The following FCMR variants were observed in gnomAD, a reference collection of about 807,000 sequenced individuals.
The protein encoded by FCMR is Fc mu receptor.
In FCMR, 34 loss-of-function variants were observed where a neutral mutation model predicts 41.6. That is an observed-to-expected ratio of 0.82 (90% CI 0.62 to 1.09). FCMR has a LOEUF of 1.09. Ranked by LOEUF, FCMR falls within the 50% of genes least tolerant of loss-of-function variation. The pLI is 0.00. For missense variants in FCMR, 496 were observed against 512.5 expected (o/e 0.97, Z 0.31); for synonymous variants, 209 against 211.8 (o/e 0.99, Z 0.12).
Position 206,904,793 on chromosome 1 carries a change from G to A in FCMR, c.*226C>T. On this transcript the variant is annotated 3_prime_UTR_variant, in exon 8 of 8. Coordinates refer to ENST00000367091, the MANE Select transcript of FCMR (RefSeq NM_005449.5). ...TGGCATTGGGACAATTGCTCTACAT[G>A]CCTACAGCTTACCTGTCAACTACAG... is the stretch of plus-strand genomic sequence containing the variant. 1 of 543,900 alleles carries A rather than the reference G, an allele frequency of 1.8e-6. No homozygotes were observed. Among genetic ancestry groups the A allele is most frequent in the South Asian group, 2.0e-5 (1 of 48,800 alleles). The allele number at this position is 543,900 out of a possible 1,614,324, so 33.7% of individuals were successfully genotyped here.
chr1:206,917,793 A>AT (rs36032902), intron 1 of FCMR: 40,358 of 424,260 alleles, frequency 0.095, 2,841 homozygotes, highest in African/African-American at 0.36. Context: ...TGTGTGGCGA[A>AT]TTTTTTTTTT....
chr1:206,920,912 G>A (rs1293255116), intron 1 of FCMR, among the ~76,000 whole-genome samples: 1 of 152,224 alleles, frequency 6.6e-6, no homozygotes, highest in African/African-American at 2.4e-5. Flanking sequence ...AGGTCTGAAT[G>A]AGGATACATG....
chr1:206,909,667 C>T lies in FCMR; in HGVS notation c.985+58G>A. 1.5e-6 allele frequency: 2 copies of T among 1,358,394 alleles called. No homozygotes were observed. Among genetic ancestry groups the T allele is most frequent in the Admixed American group, 8.0e-5 (2 of 24,932 alleles). 84.1% of individuals were successfully genotyped at this position (1,358,394 alleles called of 1,614,324 possible). ...TGGGAGCGCGCCCCGCTGCGCCCGG[C>T]TTTCCCGGAGCCAGCGCACTCTTTC... On this transcript the variant is annotated intron_variant, in intron 6 of 7. Coordinates refer to ENST00000367091, the MANE Select transcript of FCMR (RefSeq NM_005449.5). The surrounding 1 kb of genome is among the most constrained non-coding windows in gnomAD (Gnocchi z 5.0).
rs758995799 is a variant in FCMR at position 206,913,761 on chromosome 1, C to T, written c.371G>A (p.Ser124Asn). The change falls in exon 2 of 8, where the codon AGT (serine) becomes AAT (asparagine). Residue 124 changes from serine to asparagine, a missense_variant and splice_region_variant. Physicochemically the swap from Ser to Asn is conservative, Grantham distance 46. Coordinates refer to ENST00000367091, the MANE Select transcript of FCMR (RefSeq NM_005449.5). ...KTQKVTLNVH[S>N]EYEPSWEEQP... ...CTCCAATCAGCGGAGGAACCTACCA[C>T]TGTGGACATTCAGGGTGACTTTCTG... The T allele has an allele frequency of 6.2e-7, 1 of 1,613,632 alleles. No individual in the cohort carries two copies. The highest frequency in any genetic ancestry group is 8.5e-7 in the Non-Finnish European group (1 of 1,179,550).
chr1:206,918,949 A>G (rs1679315664), intron 1 of FCMR, among the ~76,000 whole-genome samples: 1 of 152,106 alleles, frequency 6.6e-6, no homozygotes, highest in Non-Finnish European at 1.5e-5. Flanking sequence ...AATATTTTTA[A>G]GTTATAAATC....
upstream of FCMR, among the ~76,000 whole-genome samples, chr1:206,922,577 C>A (rs777480150): frequency 1.2e-4 from 18 of 152,250 alleles, no homozygotes; most frequent in Admixed American, 5.2e-4. Flanking sequence ...CCTCAGCCAA[C>A]CTTCACCCTT....
intron 1 of FCMR, among the ~76,000 whole-genome samples, chr1:206,919,151 T>G (rs1417118312): frequency 2.6e-5 from 4 of 152,112 alleles, no homozygotes; most frequent in Non-Finnish European, 5.9e-5. Context: ...AAGTACAGTC[T>G]TCGTCCACCC....
At chr1:206,911,523 T>A (rs904995155) in intron 4 of FCMR, among the ~76,000 whole-genome samples, 5 of 152,236 alleles carry the variant, frequency 3.3e-5, no homozygotes, top group African/African-American at 1.2e-4. Context: ...GGGTCTCACT[T>A]CTTTCTACAG....
intron 1 of FCMR, among the ~76,000 whole-genome samples, chr1:206,920,440 G>A: frequency 7.3e-6 from 1 of 136,140 alleles, no homozygotes. Context: ...GGGCAACAGA[G>A]AGAGACTCTG....
chr1:206,918,358 C>G (rs1679280076), intron 1 of FCMR, among the ~76,000 whole-genome samples: 1 of 152,148 alleles, frequency 6.6e-6, no homozygotes, highest in South Asian at 2.1e-4. Context: ...TCTGTCCTCC[C>G]TCCCTCTCTC....
At chr1:206,907,881 G>A in intron 7 of FCMR, 1 of 1,311,152 alleles carries the variant, frequency 7.6e-7, no homozygotes, top group Non-Finnish European at 1.1e-6. Flanking sequence ...GAGGCTTGCT[G>A]CCCCAAGAGA....
chr1:206,914,310 TTTCCTTCC>T (rs139221448), intron 1 of FCMR, among the ~76,000 whole-genome samples: 2,733 of 145,642 alleles, frequency 0.019, 26 homozygotes, highest in South Asian at 0.05. Context: ...TTTTCTTTTC[TTTCCTTCC>T]TTCCTTCCTT....
intron 1 of FCMR, chr1:206,917,714 C>G: frequency 2.3e-6 from 1 of 429,514 alleles, no homozygotes; most frequent in Non-Finnish European, 4.6e-6. Flanking sequence ...GCAGCCTCCA[C>G]TTCCTGGGCT....
Position 206,904,964 on chromosome 1 carries a change from GAGAC to G in FCMR, c.*51_*54del. 1 of 1,597,180 alleles carries G rather than the reference GAGAC, an allele frequency of 6.3e-7. No homozygotes were observed. Among genetic ancestry groups the G allele is most frequent in the Non-Finnish European group, 8.6e-7 (1 of 1,166,400 alleles). ...AGGTATTGGACATCAGCAGATAGATGAGACTCCTTGGCACCACAGTCCGAGCCTG... is the reference window on the plus strand; with the variant it reads ...AGGTATTGGACATCAGCAGATAGATGTCCTTGGCACCACAGTCCGAGCCTG... On this transcript the variant is annotated 3_prime_UTR_variant, in exon 8 of 8. Transcript: ENST00000367091.
intron 1 of FCMR, 145 bp downstream of exon 1, chr1:206,921,673 G>A (rs922877703): frequency 9.6e-6 from 7 of 730,004 alleles, no homozygotes; most frequent in Non-Finnish European, 1.7e-5. Context: ...ACCTCACATG[G>A]CCTCCATTCT....
At position 206,903,660 on chromosome 1, in the gene FCMR, A is replaced by G. The variant is rs919153735; in HGVS notation, c.*1359T>C. ...AGTGCCCAGCACAAAGCAGATCCTCAATAAACATTTCATTTCCCACCCACA... is the reference window on the plus strand; with the variant it reads ...AGTGCCCAGCACAAAGCAGATCCTCGATAAACATTTCATTTCCCACCCACA... On this transcript the variant is annotated 3_prime_UTR_variant, in exon 8 of 8. Coordinates refer to ENST00000367091, the MANE Select transcript of FCMR (RefSeq NM_005449.5). 2.0e-5 allele frequency: 3 copies of G among 152,382 alleles called. No homozygotes were observed. Among genetic ancestry groups the G allele is most frequent in the Admixed American group, 6.5e-5 (1 of 15,290 alleles). 9.4% of individuals were successfully genotyped at this position (152,382 alleles called of 1,614,324 possible).
chr1:206,921,386 A>T, intron 1 of FCMR: 1 of 448,976 alleles, frequency 2.2e-6, no homozygotes, highest in Non-Finnish European at 4.5e-6. Context: ...GGATCACTTA[A>T]GGCCACAAGT....
chr1:206,918,158 C>T (rs1679270916), intron 1 of FCMR, among the ~76,000 whole-genome samples: 1 of 152,140 alleles, frequency 6.6e-6, no homozygotes, highest in South Asian at 2.1e-4. Flanking sequence ...TCTTTGTCTT[C>T]ATTTCCCCTC....
upstream of FCMR, chr1:206,922,119 A>G (rs1679463464): frequency 1.9e-6 from 1 of 521,336 alleles, no homozygotes; most frequent in Non-Finnish European, 3.5e-6. Flanking sequence ...CCCTGTTCAA[A>G]AGGCATCTAA....
Sources: allele counts gnomAD v4.1 joint callset (sites outside exome capture counted in the v4.1 genomes callset), GRCh38; gene constraint gnomAD v4.1.1; non-coding constraint Gnocchi (gnomAD v3.1); transcripts MANE v1.5; gene names NCBI Gene and HGNC (gene_info 2026-07-23, HGNC 2026-07-21).